The following SDK2 variants were observed in gnomAD, a reference collection of about 807,000 sequenced individuals.
SDK2 encodes sidekick cell adhesion molecule 2, also known as protein sidekick-2.
Under a neutral mutation model 253.9 loss-of-function variants are expected in SDK2, and 105 were observed. That is an observed-to-expected ratio of 0.41 (90% confidence interval 0.35 to 0.49). SDK2 has a LOEUF of 0.49. Among genes scored for constraint, SDK2 ranks in the 20% least tolerant of loss-of-function variants. The pLI is 0.06. For synonymous variants in SDK2, 1,249 were observed against 1,234.9 expected, an observed-to-expected ratio of 1.01 and a Z score of -0.24; for missense variants, 2,608 against 3,003.0, an observed-to-expected ratio of 0.87 and a Z score of 3.07.
chr17:73,641,651 A>C (rs2046400190), intron 1 of SDK2, among the ~76,000 whole-genome samples: 1 of 150,020 alleles, frequency 6.7e-6, no homozygotes, highest in South Asian at 2.1e-4. Context: ...GGTCGATGTG[A>C]AGTTTGTCTC....
intron 1 of SDK2, among the ~76,000 whole-genome samples, chr17:73,627,211 G>A (rs2046213361): frequency 6.6e-6 from 1 of 152,080 alleles, no homozygotes; most frequent in African/African-American, 2.4e-5. Context: ...TATATAAATG[G>A]TGGTTATTAC....
At chr17:73,473,367 C>G (rs1174677990) in intron 2 of SDK2, among the ~76,000 whole-genome samples, 1 of 152,160 alleles carries the variant, frequency 6.6e-6, no homozygotes, top group Non-Finnish European at 1.5e-5. Context: ...CCTGGTTCAC[C>G]CTTGGTGGTC....
chr17:73,358,588 G>C (rs182512598), intron 39 of SDK2, among the ~76,000 whole-genome samples: 5 of 152,248 alleles, frequency 3.3e-5, no homozygotes, highest in African/African-American at 1.2e-4. Context: ...GGAAGGTAAG[G>C]CTTGAAGGCT....
At chr17:73,428,315 C>T (rs752321639) in intron 12 of SDK2, among the ~76,000 whole-genome samples, 5 of 152,106 alleles carry the variant, frequency 3.3e-5, no homozygotes, top group South Asian at 2.1e-4. Context: ...CCACCCGCCT[C>T]GGCCTCTCAA....
At chr17:73,613,705 C>T in intron 1 of SDK2, among the ~76,000 whole-genome samples, 1 of 151,860 alleles carries the variant, frequency 6.6e-6, no homozygotes, top group Non-Finnish European at 1.5e-5. Context: ...GGCCTCACGC[C>T]CCTCCCAGCT....
At chr17:73,386,632 T>C in intron 30 of SDK2, 84 bp from the exon 31 acceptor site, 1 of 942,054 alleles carries the variant, frequency 1.1e-6, no homozygotes, top group African/African-American at 1.6e-5. Context: ...CTCCCTGATC[T>C]GGCCCTGCTC....
chr17:73,422,653 C>T (rs1162812678), intron 14 of SDK2, among the ~76,000 whole-genome samples: 1 of 152,030 alleles, frequency 6.6e-6, no homozygotes, highest in Non-Finnish European at 1.5e-5. Flanking sequence ...AAAGTAAGGG[C>T]TTATGGGAAC....
At chr17:73,393,094 A>T (rs1192005206) in intron 27 of SDK2, among the ~76,000 whole-genome samples, 1 of 151,806 alleles carries the variant, frequency 6.6e-6, no homozygotes, top group African/African-American at 2.4e-5. Flanking sequence ...AAAATACAAC[A>T]ATCAGCTGGG....
Position 73,534,513 on chromosome 17 carries a change from G to A in SDK2, c.65-26916C>T, listed in dbSNP as rs2064198106. On this transcript the variant is annotated intron_variant, in intron 1 of 44. Transcript: ENST00000392650. This position sits in a 1 kb window ranked among gnomAD's most constrained non-coding sequence, Gnocchi z 4.9. Reference sequence around the variant, plus strand: ...GGGGGCTGGGAGAAAAGACAGACAGGAGGGAGGAGGAAGGAGAAGTAAAGT... The same window carrying A: ...GGGGGCTGGGAGAAAAGACAGACAGAAGGGAGGAGGAAGGAGAAGTAAAGT... Among the ~76,000 whole-genome samples, 1 of 152,164 alleles carries A rather than the reference G, an allele frequency of 6.6e-6. No individual in the cohort carries two copies. Among genetic ancestry groups the A allele is most frequent in the South Asian group, 2.1e-4 (1 of 4,834 alleles).
At chr17:73,492,991 G>C (rs973396722) in intron 2 of SDK2, among the ~76,000 whole-genome samples, 18 of 152,236 alleles carry the variant, frequency 1.2e-4, no homozygotes, top group African/African-American at 4.1e-4. Context: ...GAGGACCTGG[G>C]AGGGGGTGGA....
In SDK2 at chr17:73,613,222, G is replaced by A. The variant is rs922463319; in HGVS notation, c.64+30803C>T. ...CTGAAAAAGATCTCCATAATCCTGT[G>A]GCTGGGCAGGGGGCAGGAAGATGGA... On this transcript the variant is annotated intron_variant, in intron 1 of 44. Coordinates refer to ENST00000392650, the MANE Select transcript of SDK2 (RefSeq NM_001144952.2). Among the ~76,000 whole-genome samples the A allele has an allele frequency of 1.3e-4, 20 of 152,250 alleles. No individual in the cohort carries two copies. The South Asian group carries it at 2.7e-3, about 21-fold the overall frequency.
chr17:73,576,792 A>G (rs1459836999), intron 1 of SDK2, among the ~76,000 whole-genome samples: 2 of 152,212 alleles, frequency 1.3e-5, no homozygotes, highest in African/African-American at 2.4e-5. Context: ...AGCCACTGCT[A>G]TAAAACCTTC....
At chr17:73,498,237 C>A (rs1057479351) in intron 2 of SDK2, among the ~76,000 whole-genome samples, 1 of 152,150 alleles carries the variant, frequency 6.6e-6, no homozygotes, top group African/African-American at 2.4e-5. Flanking sequence ...CCTTCTCTCA[C>A]GGTTTGTCCA....
intron 1 of SDK2, among the ~76,000 whole-genome samples, chr17:73,537,911 C>G (rs1490338833): frequency 6.6e-6 from 1 of 152,154 alleles, no homozygotes; most frequent in Non-Finnish European, 1.5e-5. Context: ...CACAAACCCC[C>G]CAAAGGCTGA....
chr17:73,423,718 C>A (rs1240173303), intron 13 of SDK2, among the ~76,000 whole-genome samples, 196 bp from the exon 14 acceptor site: 2 of 152,182 alleles, frequency 1.3e-5, no homozygotes, highest in Non-Finnish European at 2.9e-5. Context: ...ATCCTCACAC[C>A]CCCCTGCTCT....
chr17:73,407,488 A>G (rs896685560), intron 18 of SDK2, among the ~76,000 whole-genome samples: 3 of 152,216 alleles, frequency 2.0e-5, no homozygotes, highest in African/African-American at 7.2e-5. Flanking sequence ...TTGGTTATCT[A>G]ATAATACTAC....
rs191465754 is a variant in SDK2, at chr17:73,586,625, T to C, written c.64+57400A>G. 4.9e-3 allele frequency among the ~76,000 whole-genome samples: 743 copies of C among 152,206 alleles called. 6 individuals carry two copies. Among genetic ancestry groups the C allele is most frequent in the Middle Eastern group, 0.014 (4 of 294 alleles). ...CAGGGGGTGGGTGGGTGGTCTTGTG[T>C]TGGGGGCCACCCAAACTTGAGTCCC... On this transcript the variant is annotated intron_variant, in intron 1 of 44. Transcript: ENST00000392650.
intron 1 of SDK2, among the ~76,000 whole-genome samples, chr17:73,545,274 T>C (rs529027822): frequency 1.3e-5 from 2 of 152,246 alleles, no homozygotes; most frequent in African/African-American, 4.8e-5. Context: ...GCCCTGCTTC[T>C]TCCCCAGCTG....
intron 1 of SDK2, among the ~76,000 whole-genome samples, chr17:73,565,995 T>C (rs2045306133): frequency 6.6e-6 from 1 of 152,216 alleles, no homozygotes; most frequent in Non-Finnish European, 1.5e-5. Flanking sequence ...AGCTAATTTT[T>C]GTATTTTTAG....
Sources: allele counts gnomAD v4.1 joint callset (sites outside exome capture counted in the v4.1 genomes callset), GRCh38; gene constraint gnomAD v4.1.1; non-coding constraint Gnocchi (gnomAD v3.1); transcripts MANE v1.5; gene names NCBI Gene and HGNC (gene_info 2026-07-23, HGNC 2026-07-21).